The following ADAMTSL1 variants were observed in gnomAD, a reference collection of about 807,000 sequenced individuals.
The protein encoded by ADAMTSL1 is ADAMTS-like protein 1.
ADAMTSL1 carries 126 observed loss-of-function variants against 201.8 expected under a neutral mutation model. That is an observed-to-expected ratio of 0.62 (90% CI 0.54 to 0.72). The LOEUF (loss-of-function observed/expected upper bound fraction) is 0.72. Ranked by LOEUF, ADAMTSL1 falls within the 30% of genes least tolerant of loss-of-function variation. ADAMTSL1 has a pLI of 0.00. For missense variants in ADAMTSL1, 2,679 were observed against 2,277.8 expected (o/e 1.18, Z -3.59); for synonymous variants, 1,121 against 903.4 (o/e 1.24, Z -4.32).
intron 2 of ADAMTSL1, among the ~76,000 whole-genome samples, chr9:18,181,049 T>C (rs1828449171): frequency 2.0e-5 from 3 of 152,156 alleles, no homozygotes; most frequent in Non-Finnish European, 4.4e-5. Flanking sequence ...GATTCCCTAT[T>C]TAATAAATGG....
intron 23 of ADAMTSL1, among the ~76,000 whole-genome samples, chr9:18,887,574 G>A (rs1029755603): frequency 6.6e-6 from 1 of 151,892 alleles, no homozygotes; most frequent in Non-Finnish European, 1.5e-5. Context: ...GTTAGTATAG[G>A]GACATAAACA....
intron 2 of ADAMTSL1, among the ~76,000 whole-genome samples, chr9:18,528,446 C>T (rs1819233764): frequency 1.3e-5 from 2 of 152,108 alleles, no homozygotes; most frequent in African/African-American, 2.4e-5. Flanking sequence ...TCAGCTCCCG[C>T]TTGTAAGTGA....
chr9:18,316,803 A>G (rs1450560478), intron 2 of ADAMTSL1, among the ~76,000 whole-genome samples: 2 of 152,188 alleles, frequency 1.3e-5, no homozygotes, highest in Admixed American at 6.5e-5. Flanking sequence ...TGGGGAAGTG[A>G]TAAGTGTCCA....
intron 2 of ADAMTSL1, among the ~76,000 whole-genome samples, chr9:18,431,684 A>C (rs1360782841): frequency 1.3e-5 from 2 of 151,972 alleles, no homozygotes; most frequent in Non-Finnish European, 2.9e-5. Context: ...GATAAAGAAA[A>C]TTTCTCAGCT....
intron 1 of ADAMTSL1, among the ~76,000 whole-genome samples, chr9:18,063,187 GT>G (rs1026242404): frequency 6.6e-6 from 1 of 151,980 alleles, no homozygotes. Flanking sequence ...TTAAAAAAAC[GT>G]TTTTAAAAAA....
At chr9:18,386,845 C>G (rs1156245073) in intron 2 of ADAMTSL1, among the ~76,000 whole-genome samples, 1 of 152,098 alleles carries the variant, frequency 6.6e-6, no homozygotes, top group Non-Finnish European at 1.5e-5. Flanking sequence ...TGAGAAAGCA[C>G]AATGAGCTGA....
At chr9:18,538,336 G>A (rs1262552325) in intron 3 of ADAMTSL1, among the ~76,000 whole-genome samples, 1 of 152,100 alleles carries the variant, frequency 6.6e-6, no homozygotes, top group Non-Finnish European at 1.5e-5. Context: ...GGAGGCAAAG[G>A]CCGCGGCATT....
intron 2 of ADAMTSL1, among the ~76,000 whole-genome samples, chr9:18,363,135 C>G (rs1169486841): frequency 1.3e-5 from 2 of 152,106 alleles, no homozygotes; most frequent in African/African-American, 4.8e-5. Context: ...CAGAAATATC[C>G]CAAGGCAGTT....
In ADAMTSL1 at chr9:18,846,156, G is replaced by T. The variant is rs62549156; in HGVS notation, c.4249+16179G>T. On this transcript the variant is annotated intron_variant, in intron 23 of 28. Coordinates refer to ENST00000380548, the MANE Select transcript of ADAMTSL1 (RefSeq NM_001040272.6). ...GCATCTATTTACTATACCAGGCACTGTTCTAGGTACTGAGGACACAGTAAT... is the reference window on the plus strand; with the variant it reads ...GCATCTATTTACTATACCAGGCACTTTTCTAGGTACTGAGGACACAGTAAT... Among the ~76,000 whole-genome samples the T allele has an allele frequency of 4.4e-3, 675 of 152,314 alleles. 9 individuals are homozygous for T. Among genetic ancestry groups the T allele is most frequent in the African/African-American group, 0.014 (563 of 41,560 alleles).
Position 18,684,806 on chromosome 9 carries a change from T to C in ADAMTSL1, c.1574+6T>C. ...GCTGTGTCAGAGGAGCCCTCGTAAG[T>C]TGTAAAAGCACAGACTGTTCTATAT... On this transcript the variant is annotated splice_donor_region_variant and intron_variant, in intron 13 of 28. Transcript: ENST00000380548. 1 of 1,607,910 alleles carries C rather than the reference T, an allele frequency of 6.2e-7. No homozygotes were observed. Among genetic ancestry groups the C allele is most frequent in the Non-Finnish European group, 8.5e-7 (1 of 1,177,368 alleles).
intron 1 of ADAMTSL1, among the ~76,000 whole-genome samples, chr9:18,004,986 A>G (rs192380708): frequency 3.9e-5 from 6 of 152,236 alleles, no homozygotes; most frequent in Admixed American, 6.5e-5. Flanking sequence ...CCATTTATAT[A>G]TAATGACAAG....
At chr9:18,560,557 G>C (rs542124290) in intron 3 of ADAMTSL1, among the ~76,000 whole-genome samples, 61 of 152,028 alleles carry the variant, frequency 4.0e-4, no homozygotes, top group African/African-American at 1.4e-3. Context: ...TTCATTTTCT[G>C]TTGTTTGGAA....
At chr9:18,125,058 A>G (rs1334011600) in intron 1 of ADAMTSL1, among the ~76,000 whole-genome samples, 2 of 152,198 alleles carry the variant, frequency 1.3e-5, no homozygotes, top group African/African-American at 4.8e-5. Context: ...ATTTAATGAA[A>G]GTTGTATTAG....
At chr9:18,457,465 G>A (rs557461680) in intron 2 of ADAMTSL1, among the ~76,000 whole-genome samples, 1 of 152,208 alleles carries the variant, frequency 6.6e-6, no homozygotes, top group East Asian at 1.9e-4. Context: ...CTGAGTGGCT[G>A]GCTAGGACTA....
At chr9:18,845,802 TATA>T (rs1190962601) in intron 23 of ADAMTSL1, among the ~76,000 whole-genome samples, 4 of 152,288 alleles carry the variant, frequency 2.6e-5, no homozygotes, top group African/African-American at 9.6e-5. Flanking sequence ...GACAATATAA[TATA>T]ATATCACGCT....
intron 2 of ADAMTSL1, among the ~76,000 whole-genome samples, chr9:18,330,631 A>G (rs1834994531): frequency 6.6e-6 from 1 of 152,194 alleles, no homozygotes; most frequent in African/African-American, 2.4e-5. Context: ...TTTCCATTTT[A>G]TAGACATGTG....
intron 1 of ADAMTSL1, among the ~76,000 whole-genome samples, chr9:18,005,200 A>C (rs1350232048): frequency 6.6e-6 from 1 of 152,184 alleles, no homozygotes; most frequent in African/African-American, 2.4e-5. Flanking sequence ...GAAGGAGAGA[A>C]GATAGTGAGG....
chr9:17,962,165 C>G (rs954106597), intron 1 of ADAMTSL1, among the ~76,000 whole-genome samples: 1 of 152,132 alleles, frequency 6.6e-6, no homozygotes, highest in Non-Finnish European at 1.5e-5. Flanking sequence ...GACCTTCCCT[C>G]GGCTGACCAG....
Position 18,325,750 on chromosome 9 carries a change from T to G in ADAMTSL1, c.207+161769T>G, listed in dbSNP as rs571509065. Reference sequence around the variant, plus strand: ...CTCTTTTAAAAGGACCTTTGTTTTTTTTTTTTTTGAAACAGAGTTTTGCTC... The same window carrying G: ...CTCTTTTAAAAGGACCTTTGTTTTTGTTTTTTTTGAAACAGAGTTTTGCTC... On this transcript the variant is annotated intron_variant, in intron 2 of 29. Transcript: ENST00000680146. Among the ~76,000 whole-genome samples, 17 of 152,140 alleles carry G rather than the reference T, an allele frequency of 1.1e-4. No homozygotes were observed. In the East Asian group the frequency reaches 3.3e-3, roughly 29 times the overall value.
Sources: gnomAD v4.1 joint callset for allele counts (sites outside exome capture counted in the v4.1 genomes callset) on GRCh38, gnomAD v4.1.1 for gene constraint, MANE v1.5 for transcripts, NCBI Gene and HGNC (gene_info 2026-07-23, HGNC 2026-07-21) for gene names.